SPECC1L: variants seen among roughly 807,000 people sequenced by gnomAD.
SPECC1L encodes cytospin-A.
A neutral mutation model predicts 116.8 loss-of-function variants in SPECC1L; 40 were observed. The ratio of observed to expected loss-of-function variants is 0.34; its 90% CI spans 0.27 to 0.45. The LOEUF (loss-of-function observed/expected upper bound fraction) is 0.45, where lower values mean the gene tolerates loss of function less well. Ranked by LOEUF, SPECC1L falls within the 20% of genes least tolerant of loss-of-function variation. SPECC1L has a pLI of 1.00. For missense variants in SPECC1L, 1,110 were observed against 1,373.6 expected, an observed-to-expected ratio of 0.81 and a Z score of 3.03; for synonymous variants, 504 against 500.6, an observed-to-expected ratio of 1.01 and a Z score of -0.09.
At chr22:24,365,886 G>C (rs934471557) in intron 13 of SPECC1L, among the ~76,000 whole-genome samples, 1 of 146,614 alleles carries the variant, frequency 6.8e-6, no homozygotes. Flanking sequence ...CATGCAAAAC[G>C]AAGTATTATG....
chr22:24,309,962 T>C (rs1019739274), intron 3 of SPECC1L, among the ~76,000 whole-genome samples: 4 of 152,170 alleles, frequency 2.6e-5, no homozygotes, highest in African/African-American at 4.8e-5. Context: ...AGTGCCCCTC[T>C]CCTCCCCTGT....
At chr22:24,338,355 T>G (rs2041105241) in intron 9 of SPECC1L, 31 bp from the exon 10 acceptor site, 4 of 1,607,550 alleles carry the variant, frequency 2.5e-6, no homozygotes, top group Middle Eastern at 1.6e-4. Flanking sequence ...TACAGTGACA[T>G]TATTTCCCTT....
In SPECC1L at chr22:24,334,390, G is replaced by C; in HGVS notation, c.2397-20G>C. 2.5e-6 allele frequency: 4 copies of C among 1,613,590 alleles called. No individual in the cohort carries two copies. Among genetic ancestry groups the C allele is most frequent in the Non-Finnish European group, 3.4e-6 (4 of 1,179,602 alleles). On this transcript the variant is annotated intron_variant, in intron 8 of 16. Coordinates refer to ENST00000314328, the MANE Select transcript of SPECC1L (RefSeq NM_015330.6). ...TCTAGTACCTATGTAAAAATGCTCTGATTTCAATATTATTTTCAGGCAAGA... is the reference window on the plus strand; with the variant it reads ...TCTAGTACCTATGTAAAAATGCTCTCATTTCAATATTATTTTCAGGCAAGA...
chr22:24,358,996 C>T (rs1374936187), intron 11 of SPECC1L, among the ~76,000 whole-genome samples: 2 of 152,160 alleles, frequency 1.3e-5, no homozygotes, highest in Non-Finnish European at 1.5e-5. Context: ...TGCTGTTAAC[C>T]TTATGCTCTT....
chr22:24,397,678 T>C (rs534713192), intron 14 of SPECC1L, among the ~76,000 whole-genome samples: 1 of 152,338 alleles, frequency 6.6e-6, no homozygotes, highest in Non-Finnish European at 1.5e-5. Flanking sequence ...CTTTTTTATA[T>C]AAGTTATATT....
At position 24,402,097 on chromosome 22, in the gene SPECC1L, GCTTCCCCTTCCTTCCCCTTC is replaced by G. The variant is rs574796666; in HGVS notation, c.3088-9459_3088-9440del. The stretch of plus-strand genomic sequence containing the variant: ...GCAAGACTCTCCCTGAAAATGTACT[GCTTCCCCTTCCTTCCCCTTC>G]CTTCCCCTTCCTTCCCCTTCCTTCC... On this transcript the variant is annotated intron_variant, in intron 14 of 16. Transcript: ENST00000314328. Among the ~76,000 whole-genome samples the G allele has an allele frequency of 4.8e-3, 302 of 63,442 alleles. 3 individuals carry two copies. The highest frequency in any genetic ancestry group is 0.015 in the African/African-American group (274 of 18,020). 41.6% of individuals were successfully genotyped at this position (63,442 alleles called of 152,430 possible).
At chr22:24,306,453 T>A (rs1011898402) in intron 3 of SPECC1L, among the ~76,000 whole-genome samples, 1 of 152,090 alleles carries the variant, frequency 6.6e-6, no homozygotes, top group Non-Finnish European at 1.5e-5. Context: ...TGATCCTAGC[T>A]CACTGCAGCC....
chr22:24,389,109 A>AT (rs763818960), intron 14 of SPECC1L, among the ~76,000 whole-genome samples: 23,194 of 99,924 alleles, frequency 0.23, 3,121 homozygotes, highest in Non-Finnish European at 0.27. Context: ...TCTATAACTG[A>AT]TTTTTTTTTT....
At chr22:24,407,281 G>A (rs180738994) in intron 14 of SPECC1L, among the ~76,000 whole-genome samples, 12 of 152,360 alleles carry the variant, frequency 7.9e-5, no homozygotes, top group East Asian at 5.8e-4. Flanking sequence ...TTTTCTTCCC[G>A]GTTCAGGTCA....
At chr22:24,311,353 AAAG>A (rs1275031952) in intron 3 of SPECC1L, among the ~76,000 whole-genome samples, 7 of 152,198 alleles carry the variant, frequency 4.6e-5, no homozygotes, top group African/African-American at 1.7e-4. Context: ...GCAGGATACA[AAAG>A]AAGATTGAAA....
chr22:24,412,384 G>A, intron 15 of SPECC1L: 1 of 561,154 alleles, frequency 1.8e-6, no homozygotes, highest in South Asian at 2.0e-5. Flanking sequence ...CAGCATTGGT[G>A]CGGCAGAAGT....
At chr22:24,400,395 G>A (rs1021328107) in intron 14 of SPECC1L, among the ~76,000 whole-genome samples, 3 of 152,112 alleles carry the variant, frequency 2.0e-5, no homozygotes, top group African/African-American at 4.8e-5. Context: ...GCGTATATTC[G>A]TACTTTGTTC....
At chr22:24,369,930 T>A (rs1433643240) in intron 14 of SPECC1L, among the ~76,000 whole-genome samples, 1 of 152,242 alleles carries the variant, frequency 6.6e-6, no homozygotes, top group Non-Finnish European at 1.5e-5. Context: ...CAATTTTGAT[T>A]TCTAGTGTCC....
chr22:24,272,271 A>G (rs2048742264), intron 1 of SPECC1L, among the ~76,000 whole-genome samples: 1 of 152,134 alleles, frequency 6.6e-6, no homozygotes, highest in African/African-American at 2.4e-5. Flanking sequence ...AGGGTGAGGC[A>G]GGAGAATCGC....
chr22:24,338,318 A>T (rs2041104227), intron 9 of SPECC1L, 68 bp from the exon 10 acceptor site: 2 of 1,488,658 alleles, frequency 1.3e-6, no homozygotes, highest in East Asian at 4.6e-5. Context: ...GCGAGTCCTT[A>T]AGTGGAGACC....
At chr22:24,313,575 A>G in intron 4 of SPECC1L, 109 bp downstream of exon 4, 2 of 1,277,256 alleles carry the variant, frequency 1.6e-6, no homozygotes, top group Admixed American at 1.9e-5. Flanking sequence ...TAGACATACA[A>G]AAGTAGATGG....
rs201577668 is a variant in SPECC1L, at chr22:24,313,472, G to A, written c.307+6G>A. On this transcript the variant is annotated splice_donor_region_variant and intron_variant, in intron 4 of 16. Coordinates refer to ENST00000314328, the MANE Select transcript of SPECC1L (RefSeq NM_015330.6). ...CAAATCCAAGATTAGCACAGGTAAC[G>A]GTGACATTCAGTCTGAGACTTCAAC... The A allele has an allele frequency of 9.7e-5, 157 of 1,613,668 alleles. No homozygotes were observed. The highest frequency in any genetic ancestry group is 2.7e-4 in the Admixed American group (16 of 60,016).
intron 14 of SPECC1L, among the ~76,000 whole-genome samples, chr22:24,409,081 T>G (rs2042644756): frequency 6.6e-6 from 1 of 152,198 alleles, no homozygotes; most frequent in Non-Finnish European, 1.5e-5. Flanking sequence ...TAACAGTATA[T>G]AAAGAGGGGT....
chr22:24,354,888 G>T (rs572935948), intron 11 of SPECC1L, among the ~76,000 whole-genome samples: 1 of 151,732 alleles, frequency 6.6e-6, no homozygotes, highest in Non-Finnish European at 1.5e-5. Flanking sequence ...ATGACCTTGT[G>T]ATTCACCCAC....
Sources: gnomAD v4.1 joint callset for allele counts (sites outside exome capture counted in the v4.1 genomes callset) on GRCh38, gnomAD v4.1.1 for gene constraint, MANE v1.5 for transcripts, NCBI Gene and HGNC (gene_info 2026-07-23, HGNC 2026-07-21) for gene names.